DENND5B: variants seen among roughly 807,000 people sequenced by gnomAD.
DENND5B encodes the protein DENN domain containing 5B, also known as DENN domain-containing protein 5B.
A neutral mutation model predicts 140.6 loss-of-function variants in DENND5B; 34 were observed. The observed-to-expected ratio is 0.24, with a 90% CI of 0.18 to 0.32. DENND5B has a LOEUF of 0.32. Among genes scored for constraint, DENND5B ranks in the 10% least tolerant of loss-of-function variants. The pLI, the probability that DENND5B is intolerant of heterozygous loss-of-function variation, is 1.00. For missense variants in DENND5B, 1,142 were observed against 1,560.2 expected, an observed-to-expected ratio of 0.73 and a Z score of 4.52; for synonymous variants, 551 against 562.1, an observed-to-expected ratio of 0.98 and a Z score of 0.28.
intron 1 of DENND5B, among the ~76,000 whole-genome samples, chr12:31,509,419 G>T (rs928392161): frequency 1.3e-5 from 2 of 152,180 alleles, no homozygotes; most frequent in African/African-American, 4.8e-5. Flanking sequence ...CCATAGTTTT[G>T]TATGCCTACA....
chr12:31,496,411 C>T (rs1834861707), intron 1 of DENND5B, among the ~76,000 whole-genome samples: 1 of 152,124 alleles, frequency 6.6e-6, no homozygotes, highest in Non-Finnish European at 1.5e-5. Context: ...TCTCCAGTAA[C>T]AAAATTAACA....
Position 31,558,964 on chromosome 12 carries a change from G to A in DENND5B, c.127+31742C>T, listed in dbSNP as rs564627129. On this transcript the variant is annotated intron_variant, in intron 1 of 20. Coordinates refer to ENST00000389082, the MANE Select transcript of DENND5B (RefSeq NM_144973.4). The stretch of plus-strand genomic sequence containing the variant: ...TGGAAGCATTACCTTTTTGTAATAC[G>A]AAAAGAAAAACAGCTGAAAGAAAGA... Among the ~76,000 whole-genome samples, 11 of 152,144 alleles carry A rather than the reference G, an allele frequency of 7.2e-5. No individual in the cohort carries two copies. The East Asian group carries it at 1.4e-3, about 19-fold the overall frequency.
chr12:31,482,605 G>A (rs1946110368), intron 2 of DENND5B, among the ~76,000 whole-genome samples: 1 of 151,050 alleles, frequency 6.6e-6, no homozygotes, highest in Non-Finnish European at 1.5e-5. Flanking sequence ...TAGAGGTGAG[G>A]TCTTGCTCTA....
At chr12:31,515,336 C>T (rs193187181) in intron 1 of DENND5B, among the ~76,000 whole-genome samples, 15 of 152,026 alleles carry the variant, frequency 9.9e-5, no homozygotes, top group Admixed American at 3.9e-4. Flanking sequence ...TTTAAAATTG[C>T]GATTATAATT....
intron 1 of DENND5B, among the ~76,000 whole-genome samples, chr12:31,533,442 A>G (rs1948364914): frequency 6.6e-6 from 1 of 152,156 alleles, no homozygotes; most frequent in African/African-American, 2.4e-5. Flanking sequence ...GTCACTATCC[A>G]TACTGTTTTT....
At chr12:31,568,959 A>G (rs1949722039) in intron 1 of DENND5B, among the ~76,000 whole-genome samples, 2 of 152,074 alleles carry the variant, frequency 1.3e-5, no homozygotes, top group South Asian at 4.2e-4. Flanking sequence ...TATGTTGCTC[A>G]GACTGGTCTT....
intron 12 of DENND5B, among the ~76,000 whole-genome samples, chr12:31,414,162 CA>C (rs1186316767): frequency 1.3e-5 from 2 of 152,146 alleles, no homozygotes; most frequent in Non-Finnish European, 2.9e-5. Context: ...CTCTTGGTCT[CA>C]AATGATCCTC....
chr12:31,487,703 A>C (rs922949471), intron 2 of DENND5B, among the ~76,000 whole-genome samples: 1 of 152,184 alleles, frequency 6.6e-6, no homozygotes, highest in East Asian at 1.9e-4. Flanking sequence ...CTGTCTCAAA[A>C]AAACAAACAA....
intron 2 of DENND5B, among the ~76,000 whole-genome samples, chr12:31,495,096 A>G (rs890120394): frequency 7.2e-5 from 11 of 152,236 alleles, no homozygotes; most frequent in Non-Finnish European, 1.5e-5. Flanking sequence ...CACTGTCTGT[A>G]AAAATGACAA....
At chr12:31,589,767 G>C (rs1169859915) in intron 1 of DENND5B, among the ~76,000 whole-genome samples, 1 of 152,060 alleles carries the variant, frequency 6.6e-6, no homozygotes, top group Non-Finnish European at 1.5e-5. Flanking sequence ...TCAAGATTCA[G>C]ATCCCGCGGA....
At position 31,398,176 on chromosome 12, in the gene DENND5B, G is replaced by C. The variant is rs559926838; in HGVS notation, c.3255C>G (p.Asn1085Lys). 1.3e-6 allele frequency: 2 copies of C among 1,583,234 alleles called. No homozygotes were observed. Among genetic ancestry groups the C allele is most frequent in the African/African-American group, 1.3e-5 (1 of 74,120 alleles). ...TAAGAAAAATTTAAATAAATTTACT[G>C]TTGTTTTTTCCTGTCAGTGAAGTGA... ...LSITSLTGKN[N>K]KPNAGQIQEG... is the part of the protein sequence containing the mutation. Residue 1085 changes from asparagine to lysine, a missense_variant and splice_region_variant, in exon 17 of 21, where the codon AAC (asparagine) becomes AAG (lysine). Asn to Lys is a moderately conservative substitution (Grantham distance 94, BLOSUM62 0). This residue lies in a region of DENND5B where 268 missense variants were observed against 349.2 expected (regional missense o/e 0.77). Coordinates refer to ENST00000389082, the MANE Select transcript of DENND5B (RefSeq NM_144973.4).
At chr12:31,408,013 T>G (rs1417120903) in intron 14 of DENND5B, among the ~76,000 whole-genome samples, 2 of 152,144 alleles carry the variant, frequency 1.3e-5, no homozygotes, top group Non-Finnish European at 2.9e-5. Context: ...ATACATCTCT[T>G]GGACAGGCTC....
At chr12:31,545,774 T>G (rs1296139288) in intron 1 of DENND5B, among the ~76,000 whole-genome samples, 1 of 151,638 alleles carries the variant, frequency 6.6e-6, no homozygotes, top group Non-Finnish European at 1.5e-5. Context: ...GGCAACACAG[T>G]GAAACCCATG....
chr12:31,581,460 G>A (rs1218186244), intron 1 of DENND5B, among the ~76,000 whole-genome samples: 5 of 151,910 alleles, frequency 3.3e-5, no homozygotes, highest in Non-Finnish European at 5.9e-5. Context: ...AGGCCGAGGC[G>A]GGCAGATCAC....
At chr12:31,466,624 C>T (rs916660818) in intron 3 of DENND5B, among the ~76,000 whole-genome samples, 2 of 151,994 alleles carry the variant, frequency 1.3e-5, no homozygotes, top group African/African-American at 2.4e-5. Context: ...ACCCAGGAGG[C>T]GAAGGTTACA....
intron 7 of DENND5B, among the ~76,000 whole-genome samples, chr12:31,436,334 C>G (rs1943754611): frequency 6.6e-6 from 1 of 151,802 alleles, no homozygotes; most frequent in African/African-American, 2.4e-5. Context: ...CTCCTGACCT[C>G]AAGTGATCTG....
chr12:31,532,853 T>G (rs974880586), intron 1 of DENND5B, among the ~76,000 whole-genome samples: 1 of 152,234 alleles, frequency 6.6e-6, no homozygotes, highest in African/African-American at 2.4e-5. Flanking sequence ...ATTATTTCAC[T>G]GGCTGAATTA....
At chr12:31,491,390 T>C (rs1048228001) in intron 2 of DENND5B, among the ~76,000 whole-genome samples, 3 of 151,848 alleles carry the variant, frequency 2.0e-5, no homozygotes, top group African/African-American at 7.3e-5. Context: ...GAGGCAGAGG[T>C]TGTAAGTAAG....
chr12:31,447,683 A>G lies in DENND5B; in HGVS notation c.1716T>C (p.Asp572=). Residue 572 remains aspartate, a synonymous_variant, in exon 6 of 21, where the codon GAT becomes GAC. Coordinates refer to ENST00000389082, the MANE Select transcript of DENND5B (RefSeq NM_144973.4). ...IETQMFATFI[D]NKIMSQWEEK... ...CTTCCCACTGAGACATAATTTTATTATCAATAAAGGTGGCAAACATCTGTG... is the reference window on the plus strand; with the variant it reads ...CTTCCCACTGAGACATAATTTTATTGTCAATAAAGGTGGCAAACATCTGTG... 6.2e-7 allele frequency: 1 copy of G among 1,613,316 alleles called. No individual in the cohort carries two copies. The highest frequency in any genetic ancestry group is 1.7e-4 in the Middle Eastern group (1 of 6,060).
Sources: allele counts gnomAD v4.1 joint callset (sites outside exome capture counted in the v4.1 genomes callset), GRCh38; gene constraint gnomAD v4.1.1; regional missense constraint gnomAD v4.1.1; transcripts MANE v1.5; gene names NCBI Gene and HGNC (gene_info 2026-07-23, HGNC 2026-07-21).